The following TULP4 variants were observed in gnomAD, a reference collection of about 807,000 sequenced individuals.
The protein encoded by TULP4 is tubby-related protein 4.
TULP4 carries 16 observed loss-of-function variants against 129.0 expected under a neutral mutation model. That is an observed-to-expected ratio of 0.12 (90% CI 0.08 to 0.19). TULP4 has a LOEUF of 0.19. Ranked by LOEUF, TULP4 falls within the 10% of genes least tolerant of loss-of-function variation. The probability of loss-of-function intolerance (pLI) is 1.00; values close to 1 mark genes in which losing one functional copy is unlikely to be tolerated. For synonymous variants in TULP4, 998 were observed against 854.0 expected, an observed-to-expected ratio of 1.17 and a Z score of -2.94; for missense variants, 1,842 against 2,059.1, an observed-to-expected ratio of 0.89 and a Z score of 2.04.
intron 1 of TULP4, among the ~76,000 whole-genome samples, chr6:158,294,089 C>A (rs1315974773): frequency 6.6e-6 from 1 of 152,144 alleles, no homozygotes; most frequent in Non-Finnish European, 1.5e-5. Context: ...TCGGGCCAGG[C>A]GCAGTGGTTC....
intron 2 of TULP4, chr6:158,428,220 G>C (rs1400326489): frequency 6.6e-6 from 1 of 152,148 alleles, no homozygotes; most frequent in Non-Finnish European, 1.5e-5. Flanking sequence ...GATTTGGCAG[G>C]CTTGTCTACC....
chr6:158,423,016 C>T (rs1583859362), intron 2 of TULP4, among the ~76,000 whole-genome samples: 1 of 151,982 alleles, frequency 6.6e-6, no homozygotes, highest in African/African-American at 2.4e-5. Flanking sequence ...CAGGCTCACG[C>T]CTGTAATCCA....
At position 158,506,566 on chromosome 6, in the gene TULP4, G is replaced by A; in HGVS notation, c.4516-12G>A. 6.4e-7 allele frequency: 1 copy of A among 1,559,712 alleles called. No homozygotes were observed. Among genetic ancestry groups the A allele is most frequent in the South Asian group, 1.1e-5 (1 of 89,892 alleles). On this transcript the variant is annotated splice_polypyrimidine_tract_variant and intron_variant, in intron 13 of 13. Coordinates refer to ENST00000367097, the MANE Select transcript of TULP4 (RefSeq NM_020245.5). ...ATTCTTTAATGTCTTTGCTTCCCCT[G>A]CCCTCCTCCAGGTGATGCAGTTTGG... is the stretch of plus-strand genomic sequence containing the variant.
intron 1 of TULP4, among the ~76,000 whole-genome samples, chr6:158,330,435 A>G (rs1166420100): frequency 6.6e-6 from 1 of 152,246 alleles, no homozygotes; most frequent in Non-Finnish European, 1.5e-5. Flanking sequence ...TTCAGCTATG[A>G]ACATTTTGCT....
intron 1 of TULP4, among the ~76,000 whole-genome samples, chr6:158,288,291 T>C (rs1204449829): frequency 1.3e-5 from 2 of 152,198 alleles, no homozygotes. Flanking sequence ...ATATTGATTT[T>C]TGTTGTCTTC....
intron 3 of TULP4, among the ~76,000 whole-genome samples, chr6:158,440,153 CTACAAAAAA>C (rs1208430346): frequency 2.0e-5 from 3 of 151,618 alleles, no homozygotes; most frequent in African/African-American, 7.3e-5. Context: ...AACCCTGTCT[CTACAAAAAA>C]TACAAAAATT....
In TULP4 at chr6:158,489,659, G is replaced by C. The variant is rs1780152496; in HGVS notation, c.1558G>C (p.Glu520Gln). 6.2e-7 allele frequency: 1 copy of C among 1,614,198 alleles called. No homozygotes were observed. Among genetic ancestry groups the C allele is most frequent in the Non-Finnish European group, 8.5e-7 (1 of 1,180,042 alleles). Residue 520 changes from glutamate to glutamine, a missense_variant, in exon 9 of 14, where the codon GAG becomes CAG. Glu to Gln is a conservative substitution (Grantham distance 29). Around this residue, in one of 5 missense-constraint regions of TULP4, gnomAD observed 456 missense variants for 534.3 expected, o/e 0.85. Coordinates refer to ENST00000367097, the MANE Select transcript of TULP4 (RefSeq NM_020245.5). ...SCNCSDSSDI[E>Q]LSDDWAAKKS... ...CAACTGCTCAGACTCCAGTGACATT[G>C]AGCTGAGTGATGACTGGGCTGCCAA...
chr6:158,338,153 T>A (rs1310145730), intron 1 of TULP4, among the ~76,000 whole-genome samples: 1 of 152,200 alleles, frequency 6.6e-6, no homozygotes, highest in Non-Finnish European at 1.5e-5. Flanking sequence ...TTTATTTATT[T>A]TTGAGACAGG....
At chr6:158,473,426 G>A (rs150325448) in intron 6 of TULP4, among the ~76,000 whole-genome samples, 8 of 152,320 alleles carry the variant, frequency 5.3e-5, no homozygotes, top group Middle Eastern at 3.4e-3. Flanking sequence ...CTACAATTTA[G>A]TTGGTGGCCA....
intron 1 of TULP4, among the ~76,000 whole-genome samples, chr6:158,341,095 C>A (rs531781305): frequency 2.2e-4 from 33 of 152,228 alleles, no homozygotes; most frequent in African/African-American, 7.7e-4. Context: ...CCCCACAACC[C>A]TTCCCAGCTT....
intron 1 of TULP4, among the ~76,000 whole-genome samples, chr6:158,248,743 AAAAT>A (rs1024994929): frequency 5.3e-5 from 8 of 151,718 alleles, no homozygotes; most frequent in South Asian, 4.1e-4. Context: ...CCCAGTCTCC[AAAAT>A]AAATAAATAA....
chr6:158,333,166 G>T (rs995640905), intron 1 of TULP4, among the ~76,000 whole-genome samples: 1 of 152,166 alleles, frequency 6.6e-6, no homozygotes, highest in African/African-American at 2.4e-5. Context: ...GTCATGGACT[G>T]AATGTTTGTA....
At chr6:158,363,219 C>A (rs62437399) in intron 1 of TULP4, among the ~76,000 whole-genome samples, 26,380 of 152,032 alleles carry the variant, frequency 0.17, 2,718 homozygotes, top group Middle Eastern at 0.26. Context: ...TACAGTGTTA[C>A]AATAATTTAC....
upstream of TULP4, among the ~76,000 whole-genome samples, chr6:158,308,418 G>A (rs1779256371): frequency 6.6e-6 from 1 of 151,954 alleles, no homozygotes. Flanking sequence ...CACAGACACG[G>A]CAACCATCCG....
intron 1 of TULP4, among the ~76,000 whole-genome samples, chr6:158,239,954 C>A (rs1258290673): frequency 1.1e-5 from 1 of 87,156 alleles, no homozygotes; most frequent in South Asian, 4.3e-4. Context: ...TGACCCCCCC[C>A]ACCTCCCTCC....
intron 1 of TULP4, among the ~76,000 whole-genome samples, chr6:158,288,493 A>G (rs1778867770): frequency 6.7e-6 from 1 of 150,202 alleles, no homozygotes; most frequent in South Asian, 2.1e-4. Context: ...TCTAAAAAAA[A>G]AATGAGTGTT....
intron 1 of TULP4, among the ~76,000 whole-genome samples, chr6:158,315,467 G>A (rs953978168): frequency 6.6e-6 from 1 of 152,138 alleles, no homozygotes; most frequent in Non-Finnish European, 1.5e-5. Context: ...CAAACATTGA[G>A]ATCATAGCAA....
intron 1 of TULP4, among the ~76,000 whole-genome samples, chr6:158,255,176 G>A (rs1367870682): frequency 6.6e-6 from 1 of 152,138 alleles, no homozygotes; most frequent in Non-Finnish European, 1.5e-5. Flanking sequence ...TCATGTTTAT[G>A]AATCCCCCTG....
intron 5 of TULP4, among the ~76,000 whole-genome samples, chr6:158,457,415 G>T (rs1424146585): frequency 6.6e-6 from 1 of 152,154 alleles, no homozygotes; most frequent in African/African-American, 2.4e-5. Context: ...TTCTGGGGAG[G>T]GTTAGGCTCT....
Sources: gnomAD v4.1 joint callset for allele counts (sites outside exome capture counted in the v4.1 genomes callset) on GRCh38, gnomAD v4.1.1 for gene constraint, gnomAD v4.1.1 regional missense constraint, MANE v1.5 for transcripts, NCBI Gene and HGNC (gene_info 2026-07-23, HGNC 2026-07-21) for gene names.